The following PRDM5 variants were observed in gnomAD, a reference collection of about 807,000 sequenced individuals.
The protein encoded by PRDM5 is PR/SET domain 5, also known as PR domain zinc finger protein 5.
In PRDM5, 56 loss-of-function variants were observed where a neutral mutation model predicts 81.2. That is an observed-to-expected ratio of 0.69 (90% CI 0.56 to 0.86). PRDM5 has a LOEUF of 0.86. Among genes scored for constraint, PRDM5 ranks in the 40% least tolerant of loss-of-function variants. The pLI is 0.00. For synonymous variants in PRDM5, 267 were observed against 256.4 expected (o/e 1.04, Z -0.39); for missense variants, 697 against 770.1 (o/e 0.91, Z 1.12).
chr4:120,807,760 T>C (rs1349721508), intron 8 of PRDM5, among the ~76,000 whole-genome samples: 1 of 152,184 alleles, frequency 6.6e-6, no homozygotes, highest in Non-Finnish European at 1.5e-5. Context: ...GGTGGGTTCA[T>C]GGTCTCGCTG....
At chr4:120,716,294 C>T (rs35273634) in intron 14 of PRDM5, among the ~76,000 whole-genome samples, 17,430 of 152,180 alleles carry the variant, frequency 0.11, 1,329 homozygotes, top group Non-Finnish European at 0.17. Context: ...TTTATATATG[C>T]ATGTTGGCAG....
Position 120,734,540 on chromosome 4 carries a change from T to A in PRDM5, c.1623+20013A>T, listed in dbSNP as rs550932178. Among the ~76,000 whole-genome samples the A allele has an allele frequency of 5.9e-5, 9 of 152,284 alleles. No homozygotes were observed. The South Asian group carries it at 1.9e-3, about 32-fold the overall frequency. ...TTGCTGGATTTCTCAGAATCTGGAA[T>A]ATGGTTATATGTATCATAAAACTGC... On this transcript the variant is annotated intron_variant, in intron 14 of 15. Coordinates refer to ENST00000264808, the MANE Select transcript of PRDM5 (RefSeq NM_018699.4).
At chr4:120,820,203 C>T (rs1755080881) in intron 4 of PRDM5, among the ~76,000 whole-genome samples, 2 of 152,138 alleles carry the variant, frequency 1.3e-5, no homozygotes, top group Non-Finnish European at 2.9e-5. Context: ...GCTTAATGCC[C>T]TTGTAAAAGA....
chr4:120,798,115 C>T (rs1751582869), intron 10 of PRDM5, 152 bp downstream of exon 10: 3 of 503,908 alleles, frequency 6.0e-6, no homozygotes, highest in Non-Finnish European at 1.0e-5. Context: ...AGGAAGGAGG[C>T]TGTGAGGGGT....
At chr4:120,844,563 A>C (rs899599999) in intron 3 of PRDM5, among the ~76,000 whole-genome samples, 7 of 152,222 alleles carry the variant, frequency 4.6e-5, no homozygotes, top group Non-Finnish European at 8.8e-5. Context: ...CCATACGTAT[A>C]TAGTGGCAAG....
intron 14 of PRDM5, among the ~76,000 whole-genome samples, chr4:120,724,445 A>C (rs921916073): frequency 2.6e-5 from 4 of 152,208 alleles, no homozygotes; most frequent in African/African-American, 9.6e-5. Context: ...TTGTCGATTT[A>C]GGCAGATAAT....
At position 120,863,156 on chromosome 4, in the gene PRDM5, T is replaced by TAAA. The variant is rs66499146; in HGVS notation, c.178-9619_178-9617dup. Among the ~76,000 whole-genome samples, 111 of 40,094 alleles carry TAAA rather than the reference T, an allele frequency of 2.8e-3. 3 individuals are homozygous for TAAA. The highest frequency in any genetic ancestry group is 0.04 in the Middle Eastern group (2 of 50). The allele number at this position is 40,094 out of a possible 152,430, so 26.3% of individuals were successfully genotyped here. ...CTGGGTGACAGAGCAAGACTCTGTC[T>TAAA]AAAAAAAAAAAAAAAAAAAATATAT... On this transcript the variant is annotated intron_variant, in intron 2 of 15. Transcript: ENST00000264808.
intron 14 of PRDM5, among the ~76,000 whole-genome samples, chr4:120,738,949 G>A (rs1741509106): frequency 6.6e-6 from 1 of 151,950 alleles, no homozygotes; most frequent in Non-Finnish European, 1.5e-5. Context: ...ATGGTTTTGT[G>A]GATTGACTGG....
chr4:120,918,233 G>A (rs1724447660), intron 1 of PRDM5, among the ~76,000 whole-genome samples: 1 of 152,206 alleles, frequency 6.6e-6, no homozygotes, highest in Non-Finnish European at 1.5e-5. Context: ...GCTGCCTTGA[G>A]TCACTATGGA....
intron 1 of PRDM5, among the ~76,000 whole-genome samples, chr4:120,914,873 G>A (rs1723934103): frequency 1.3e-5 from 2 of 152,152 alleles, no homozygotes; most frequent in African/African-American, 4.8e-5. Context: ...CTAGCTGGAG[G>A]CCATTATTCT....
intron 14 of PRDM5, among the ~76,000 whole-genome samples, chr4:120,731,195 A>G (rs898829251): frequency 6.6e-6 from 1 of 152,118 alleles, no homozygotes; most frequent in Non-Finnish European, 1.5e-5. Flanking sequence ...GCCCACCATG[A>G]GCAAGAGATT....
chr4:120,914,476 C>T (rs995922468), intron 1 of PRDM5, among the ~76,000 whole-genome samples: 1 of 152,074 alleles, frequency 6.6e-6, no homozygotes, highest in African/African-American at 2.4e-5. Context: ...GTGTATTAAT[C>T]TATTCTCACA....
chr4:120,691,566 A>C (rs1734053552), downstream of PRDM5, among the ~76,000 whole-genome samples: 1 of 152,182 alleles, frequency 6.6e-6, no homozygotes, highest in African/African-American at 2.4e-5. Flanking sequence ...GTGAGCATCA[A>C]GTTATTTTTA....
chr4:120,774,041 G>A (rs1747698567), intron 13 of PRDM5, among the ~76,000 whole-genome samples: 1 of 152,008 alleles, frequency 6.6e-6, no homozygotes. Context: ...TTCTAATATG[G>A]TAAACAGCTT....
intron 3 of PRDM5, among the ~76,000 whole-genome samples, chr4:120,828,696 A>C (rs1163321728): frequency 5.9e-5 from 9 of 152,110 alleles, no homozygotes; most frequent in Non-Finnish European, 1.3e-4. Context: ...ACTGGGCTCA[A>C]AACATACAGT....
At chr4:120,861,152 T>G (rs1481240134) in intron 2 of PRDM5, among the ~76,000 whole-genome samples, 3 of 152,110 alleles carry the variant, frequency 2.0e-5, no homozygotes, top group African/African-American at 7.2e-5. Context: ...GGATTACAGA[T>G]GTGTACCACT....
chr4:120,754,505 AAG>A, intron 14 of PRDM5, 46 bp downstream of exon 14: 2 of 1,302,996 alleles, frequency 1.5e-6, no homozygotes, highest in East Asian at 4.6e-5. Context: ...CTTTTAAAAT[AAG>A]TATGGTTTTC....
At chr4:120,772,471 C>G (rs2149213024) in intron 13 of PRDM5, among the ~76,000 whole-genome samples, 1 of 152,314 alleles carries the variant, frequency 6.6e-6, no homozygotes, top group Middle Eastern at 3.4e-3. Context: ...TACTCATCAA[C>G]TGACTTTTGC....
intron 2 of PRDM5, among the ~76,000 whole-genome samples, chr4:120,894,718 G>A (rs1479923797): frequency 6.6e-6 from 1 of 152,144 alleles, no homozygotes; most frequent in Non-Finnish European, 1.5e-5. Context: ...TAAAAGAAAA[G>A]TAGAATTTAC....
Sources: gnomAD v4.1 joint callset for allele counts (sites outside exome capture counted in the v4.1 genomes callset) on GRCh38, gnomAD v4.1.1 for gene constraint, MANE v1.5 for transcripts, NCBI Gene and HGNC (gene_info 2026-07-23, HGNC 2026-07-21) for gene names.